SDK1: variants seen among roughly 807,000 people sequenced by gnomAD.
SDK1 encodes the protein sidekick cell adhesion molecule 1, also known as protein sidekick-1.
In SDK1, 157 loss-of-function variants were observed where a neutral mutation model predicts 245.5. The observed-to-expected ratio is 0.64, with a 90% CI of 0.56 to 0.73. The LOEUF is 0.73. Ranked by LOEUF, SDK1 falls within the 30% of genes least tolerant of loss-of-function variation. SDK1 has a pLI of 0.00. For missense variants in SDK1, 3,583 were observed against 3,002.3 expected (o/e 1.19, Z -4.52); for synonymous variants, 1,647 against 1,278.5 (o/e 1.29, Z -6.15).
intron 4 of SDK1, among the ~76,000 whole-genome samples, chr7:3,718,684 A>G (rs1785275702): frequency 6.6e-6 from 1 of 152,206 alleles, no homozygotes; most frequent in African/African-American, 2.4e-5. Context: ...ACTTACAACT[A>G]ATACACTTAG....
intron 21 of SDK1, among the ~76,000 whole-genome samples, chr7:4,078,787 G>A (rs1489566686): frequency 2.0e-5 from 3 of 152,118 alleles, no homozygotes; most frequent in Non-Finnish European, 1.5e-5. Flanking sequence ...CTTGAGCCAC[G>A]GGCACCCTCA....
At chr7:3,353,853 T>G (rs1232327735) in intron 1 of SDK1, among the ~76,000 whole-genome samples, 1 of 151,394 alleles carries the variant, frequency 6.6e-6, no homozygotes, top group African/African-American at 2.4e-5. Context: ...CATGTCAGTT[T>G]CCATGCAGAT....
chr7:4,067,765 C>T, intron 19 of SDK1, 73 bp from the exon 20 acceptor site: 1 of 1,099,964 alleles, frequency 9.1e-7, no homozygotes, highest in East Asian at 2.5e-5. Context: ...ATAGTTAGAA[C>T]CTTCCCCACA....
At chr7:3,789,229 C>A (rs1781006068) in intron 4 of SDK1, among the ~76,000 whole-genome samples, 1 of 152,162 alleles carries the variant, frequency 6.6e-6, no homozygotes, top group African/African-American at 2.4e-5. Context: ...CTCACCGCAA[C>A]CTCCACCTCC....
chr7:3,908,304 G>T (rs1416508531), intron 5 of SDK1, among the ~76,000 whole-genome samples: 1 of 152,188 alleles, frequency 6.6e-6, no homozygotes, highest in Non-Finnish European at 1.5e-5. Context: ...TTGCACAAAT[G>T]CAAGTGGAAG....
intron 4 of SDK1, among the ~76,000 whole-genome samples, chr7:3,771,147 G>A (rs1780395884): frequency 6.6e-6 from 1 of 152,010 alleles, no homozygotes; most frequent in South Asian, 2.1e-4. Flanking sequence ...ATCTAGCATG[G>A]CCTCAGCTTG....
At chr7:3,586,416 G>A (rs4722952) in intron 1 of SDK1, among the ~76,000 whole-genome samples, 46,935 of 151,502 alleles carry the variant, frequency 0.31, 7,561 homozygotes, top group South Asian at 0.46. Flanking sequence ...TAGAGGACAG[G>A]GCCGGGCGCG....
rs754648325 is a variant in SDK1, at chr7:4,221,280, G to A, written c.5743G>A (p.Ala1915Thr). 8.7e-6 allele frequency: 14 copies of A among 1,613,826 alleles called. No individual in the cohort carries two copies. The highest frequency in any genetic ancestry group is 3.3e-5 in the Admixed American group (2 of 60,022). The change falls in exon 40 of 45, where the codon GCC (alanine) becomes ACC (threonine). Residue 1915 changes from alanine to threonine, a missense_variant. Coordinates refer to ENST00000404826, the MANE Select transcript of SDK1 (RefSeq NM_152744.4). ...SPRDVLVTKSASELTLQWTEG... is the reference protein window; with the variant it reads ...SPRDVLVTKSTSELTLQWTEG... ...TAGAGATGTCCTGGTCACCAAGTCC[G>A]CCTCTGAACTGACGCTGCAGTGGAC...
intron 37 of SDK1, 23 bp downstream of exon 37, chr7:4,208,308 T>A: frequency 2.5e-6 from 4 of 1,607,168 alleles, no homozygotes; most frequent in Non-Finnish European, 3.4e-6. Context: ...CGGGTTTCCT[T>A]TGGGCAGGCC....
intron 4 of SDK1, among the ~76,000 whole-genome samples, chr7:3,732,036 C>T (rs922439205): frequency 4.1e-4 from 62 of 152,182 alleles, no homozygotes; most frequent in African/African-American, 1.3e-3. Flanking sequence ...GTGATCCACC[C>T]GCCTCAGCCT....
chr7:3,402,214 T>C (rs1164954531), intron 1 of SDK1, among the ~76,000 whole-genome samples: 4 of 152,188 alleles, frequency 2.6e-5, no homozygotes, highest in Admixed American at 6.5e-5. Context: ...GGAGGATATA[T>C]ATAAAATCTA....
At chr7:3,614,366 C>T (rs1169449036) in intron 1 of SDK1, among the ~76,000 whole-genome samples, 3 of 152,178 alleles carry the variant, frequency 2.0e-5, no homozygotes, top group Non-Finnish European at 4.4e-5. Context: ...AACGTCTGCT[C>T]ATTTTCCTGA....
chr7:3,805,279 C>G (rs1379419762), intron 4 of SDK1, among the ~76,000 whole-genome samples: 1 of 152,200 alleles, frequency 6.6e-6, no homozygotes, highest in Non-Finnish European at 1.5e-5. Context: ...GTTACTGTTG[C>G]TTTGTAGATT....
chr7:4,174,891 C>T (rs1782095577), intron 33 of SDK1, among the ~76,000 whole-genome samples: 1 of 152,228 alleles, frequency 6.6e-6, no homozygotes, highest in South Asian at 2.1e-4. Flanking sequence ...TGCCCGTTCC[C>T]ACCCCTCCTC....
chr7:4,006,933 G>T (rs532958286), intron 14 of SDK1, among the ~76,000 whole-genome samples: 2 of 152,256 alleles, frequency 1.3e-5, no homozygotes. Flanking sequence ...GGAAAGCGGC[G>T]TCTCCAGGCT....
At chr7:4,155,240 C>A (rs917467062) in intron 30 of SDK1, among the ~76,000 whole-genome samples, 2 of 151,978 alleles carry the variant, frequency 1.3e-5, no homozygotes, top group East Asian at 3.9e-4. Flanking sequence ...TCCCCCAGAT[C>A]CGCATTTTGT....
chr7:3,761,859 C>A (rs138678686), intron 4 of SDK1, among the ~76,000 whole-genome samples: 6 of 152,190 alleles, frequency 3.9e-5, no homozygotes, highest in African/African-American at 1.4e-4. Context: ...TATTTGCTTG[C>A]GACTTGCAGT....
chr7:3,989,950 A>G (rs1784170344), intron 14 of SDK1, among the ~76,000 whole-genome samples: 1 of 152,202 alleles, frequency 6.6e-6, no homozygotes, highest in African/African-American at 2.4e-5. Flanking sequence ...TGGGAGGGGA[A>G]GATGGGATCC....
In SDK1 at chr7:3,435,321, C is replaced by CTTTTTTTT. The variant is rs71029672; in HGVS notation, c.298+133457_298+133464dup. Among the ~76,000 whole-genome samples the CTTTTTTTT allele has an allele frequency of 1.8e-3, 105 of 56,894 alleles. 9 individuals carry two copies. The highest frequency in any genetic ancestry group is 2.5e-3 in the African/African-American group (27 of 10,992). 37.3% of individuals were successfully genotyped at this position (56,894 alleles called of 152,430 possible). ...ATACTTGACTTATGAAGGGGACTGC[C>CTTTTTTTT]TTTTTTTTTTTTTTTTTTTTTTTTT... On this transcript the variant is annotated intron_variant, in intron 1 of 44. Coordinates refer to ENST00000404826, the MANE Select transcript of SDK1 (RefSeq NM_152744.4).
Sources: allele counts gnomAD v4.1 joint callset (sites outside exome capture counted in the v4.1 genomes callset), GRCh38; gene constraint gnomAD v4.1.1; transcripts MANE v1.5; gene names NCBI Gene and HGNC (gene_info 2026-07-23, HGNC 2026-07-21).